The following ADGRA3 variants were observed in gnomAD, a reference collection of about 807,000 sequenced individuals.
The protein encoded by ADGRA3 is G-protein coupled receptor 125.
ADGRA3 carries 56 observed loss-of-function variants against 119.8 expected under a neutral mutation model. The ratio of observed to expected loss-of-function variants is 0.47; its 90% CI spans 0.38 to 0.58. ADGRA3 has a LOEUF of 0.58. Among genes scored for constraint, ADGRA3 ranks in the 20% least tolerant of loss-of-function variants. The pLI, the probability that ADGRA3 is intolerant of heterozygous loss-of-function variation, is 0.00. For synonymous variants in ADGRA3, 607 were observed against 623.8 expected, an observed-to-expected ratio of 0.97 and a Z score of 0.40; for missense variants, 1,516 against 1,649.0, an observed-to-expected ratio of 0.92 and a Z score of 1.40.
chr4:22,458,278 T>C (rs1233399665), intron 3 of ADGRA3, among the ~76,000 whole-genome samples: 1 of 152,168 alleles, frequency 6.6e-6, no homozygotes, highest in African/African-American at 2.4e-5. Context: ...GAGTCACTGC[T>C]ATAAATCATG....
chr4:22,440,029 G>A (rs1016676466), intron 7 of ADGRA3, among the ~76,000 whole-genome samples: 5 of 152,060 alleles, frequency 3.3e-5, no homozygotes, highest in Non-Finnish European at 7.4e-5. Flanking sequence ...AGATATGTGT[G>A]CCTGCTAGAC....
At chr4:22,454,777 T>A in intron 4 of ADGRA3, 89 bp downstream of exon 4, 4 of 965,590 alleles carry the variant, frequency 4.1e-6, no homozygotes, top group Non-Finnish European at 6.6e-6. Flanking sequence ...CAGTTGCTAC[T>A]TATAATTAAA....
At chr4:22,489,111 G>A (rs1718538844) in intron 1 of ADGRA3, among the ~76,000 whole-genome samples, 1 of 152,148 alleles carries the variant, frequency 6.6e-6, no homozygotes, top group Non-Finnish European at 1.5e-5. Flanking sequence ...GGCTGGGGAG[G>A]CCTCATAATC....
intron 1 of ADGRA3, among the ~76,000 whole-genome samples, chr4:22,489,463 T>A (rs1040005255): frequency 5.9e-5 from 9 of 152,148 alleles, no homozygotes; most frequent in African/African-American, 2.2e-4. Flanking sequence ...GTTAAAATGA[T>A]AAACATGTAT....
At position 22,515,889 on chromosome 4, in the gene ADGRA3, G is replaced by A. The variant is rs1719652183; in HGVS notation, c.-105C>T. ...CGGCGCGGGCCCAGCGGCGACCGGA[G>A]CCTTATGGCGGCCGGAGGACGGGCC... On this transcript the variant is annotated 5_prime_UTR_variant, in exon 1 of 19. Coordinates refer to ENST00000334304, the MANE Select transcript of ADGRA3 (RefSeq NM_145290.4). The A allele has an allele frequency of 2.6e-6, 2 of 756,608 alleles. No homozygotes were observed. Among genetic ancestry groups the A allele is most frequent in the Non-Finnish European group, 3.2e-6 (2 of 622,416 alleles). 46.9% of individuals were successfully genotyped at this position (756,608 alleles called of 1,614,324 possible).
Position 22,413,217 on chromosome 4 carries a change from G to A in ADGRA3, c.2197C>T (p.Gln733Ter). ...LYSDENITTI[Q>*]CYSLSNYAVL... ...GCATAGTTACTAAGGGAGTAGCACT[G>A]AATCGTAGTGATATTTTCATCTGAA... Residue 733 changes from glutamine (Q) to a stop codon, truncating the protein, a stop_gained, in exon 14 of 19, where the codon CAG (glutamine) becomes TAG (stop). Coordinates refer to ENST00000334304, the MANE Select transcript of ADGRA3 (RefSeq NM_145290.4). LOFTEE classifies it high-confidence loss of function. 6.2e-7 allele frequency: 1 copy of A among 1,613,896 alleles called. No individual in the cohort carries two copies. The highest frequency in any genetic ancestry group is 8.5e-7 in the Non-Finnish European group (1 of 1,179,822).
intron 11 of ADGRA3, among the ~76,000 whole-genome samples, chr4:22,421,763 C>T (rs1250641246): frequency 6.6e-6 from 1 of 151,408 alleles, no homozygotes; most frequent in East Asian, 2.0e-4. Context: ...ACCTGTAGTC[C>T]TAGCGACTCA....
chr4:22,476,469 C>A (rs1232114554), intron 1 of ADGRA3, among the ~76,000 whole-genome samples: 1 of 152,094 alleles, frequency 6.6e-6, no homozygotes, highest in African/African-American at 2.4e-5. Context: ...AAAAATGATT[C>A]TTTCAAAGGA....
chr4:22,424,259 T>G lies in ADGRA3; in HGVS notation c.1537A>C (p.Arg513=). 1.2e-6 allele frequency: 2 copies of G among 1,613,712 alleles called. No homozygotes were observed. Among genetic ancestry groups the G allele is most frequent in the South Asian group, 2.2e-5 (2 of 91,056 alleles). ...ATGCGCTGAAGACACTGCACAATCCTACTGCAGGCTTTAGCTTCCCTCTGC... is the reference window on the plus strand; with the variant it reads ...ATGCGCTGAAGACACTGCACAATCCGACTGCAGGCTTTAGCTTCCCTCTGC... The part of the protein sequence containing the change: ...LAQREAKACS[R]IVQCLQRIAT... Residue 513 remains arginine, a synonymous_variant, in exon 11 of 19, where the codon AGG becomes CGG. Coordinates refer to ENST00000334304, the MANE Select transcript of ADGRA3 (RefSeq NM_145290.4).
chr4:22,408,142 A>G (rs1256836108), intron 14 of ADGRA3, among the ~76,000 whole-genome samples: 1 of 152,114 alleles, frequency 6.6e-6, no homozygotes, highest in African/African-American at 2.4e-5. Context: ...TCACATCATC[A>G]ACAAAAAATC....
rs146284508 is a variant in ADGRA3, at chr4:22,421,765, A to T, written c.1606-676T>A. Among the ~76,000 whole-genome samples the T allele has an allele frequency of 3.3e-5, 5 of 151,672 alleles. No individual in the cohort carries two copies. In the East Asian group the frequency reaches 9.8e-4, roughly 30 times the overall value. ...CATGGTGGCACACACCTGTAGTCCT[A>T]GCGACTCAGGAGGCTGTGGGAAGAG... On this transcript the variant is annotated intron_variant, in intron 11 of 18. Transcript: ENST00000334304.
chr4:22,409,733 C>T (rs538369755), intron 14 of ADGRA3, among the ~76,000 whole-genome samples: 8 of 152,222 alleles, frequency 5.3e-5, no homozygotes, highest in African/African-American at 1.4e-4. Context: ...TGTTGCTCTA[C>T]AGAAAAAAGC....
chr4:22,415,155 CT>C (rs1715379427), intron 12 of ADGRA3, among the ~76,000 whole-genome samples: 1 of 152,134 alleles, frequency 6.6e-6, no homozygotes, highest in African/African-American at 2.4e-5. Flanking sequence ...ATCTCACTCA[CT>C]TTTTGAAACC....
intron 17 of ADGRA3, 40 bp from the exon 18 acceptor site, chr4:22,389,223 A>G: frequency 7.9e-7 from 1 of 1,264,066 alleles, no homozygotes; most frequent in Non-Finnish European, 1.2e-6. Flanking sequence ...TCATCATTCC[A>G]TTTCTTAACA....
At chr4:22,414,479 T>G (rs1715352903) in intron 12 of ADGRA3, 1 of 482,546 alleles carries the variant, frequency 2.1e-6, no homozygotes, top group Admixed American at 3.9e-5. Flanking sequence ...CAGTAAAAAA[T>G]ATATATATAC....
intron 18 of ADGRA3, 43 bp from the exon 19 acceptor site, chr4:22,388,990 A>C (rs557785400): frequency 6.2e-7 from 1 of 1,604,906 alleles, no homozygotes; most frequent in African/African-American, 1.3e-5. Flanking sequence ...TACATGTTTC[A>C]ACAAATTATC....
intron 11 of ADGRA3, among the ~76,000 whole-genome samples, chr4:22,422,847 G>C (rs1354933634): frequency 6.6e-6 from 1 of 152,134 alleles, no homozygotes; most frequent in African/African-American, 2.4e-5. Context: ...TGACAAGCTA[G>C]TCTCAACTGA....
intron 12 of ADGRA3, among the ~76,000 whole-genome samples, chr4:22,419,779 T>TC (rs398107090): frequency 1.3e-5 from 2 of 152,102 alleles, no homozygotes; most frequent in African/African-American, 4.8e-5. Context: ...TTTGTTTTTT[T>TC]CCCCAATATA....
At chr4:22,456,634 G>A (rs1717249717) in intron 3 of ADGRA3, among the ~76,000 whole-genome samples, 2 of 152,134 alleles carry the variant, frequency 1.3e-5, no homozygotes, top group Non-Finnish European at 2.9e-5. Flanking sequence ...ATTGAGCTAT[G>A]CTACAGGATT....
Sources: gnomAD v4.1 joint callset for allele counts (sites outside exome capture counted in the v4.1 genomes callset) on GRCh38, gnomAD v4.1.1 for gene constraint, MANE v1.5 for transcripts, NCBI Gene and HGNC (gene_info 2026-07-23, HGNC 2026-07-21) for gene names.